ZC3H12B: variants seen among roughly 807,000 people sequenced by gnomAD.
The protein encoded by ZC3H12B is zinc finger CCCH-type containing 12B.
ZC3H12B carries 7 observed loss-of-function variants against 43.9 expected under a neutral mutation model. The ratio of observed to expected loss-of-function variants is 0.16; its 90% CI spans 0.09 to 0.30. The LOEUF (loss-of-function observed/expected upper bound fraction) is 0.30. ZC3H12B is among the 10% of genes least tolerant of loss of function. The probability of loss-of-function intolerance (pLI) is 1.00; values close to 1 mark genes in which losing one functional copy is unlikely to be tolerated. For synonymous variants in ZC3H12B, 222 were observed against 241.7 expected (o/e 0.92, Z 0.76); for missense variants, 475 against 670.2 (o/e 0.71, Z 3.22).
the ZC3H12B span, among the ~76,000 whole-genome samples, chrX:65,254,058 C>A: frequency 4.5e-5 from 5 of 112,008 alleles, no homozygotes; most frequent in Non-Finnish European, 9.4e-5. Flanking sequence ...GACCAGCGGC[C>A]CCAGCTCCAC....
chrX:65,318,964 C>T, the ZC3H12B span, among the ~76,000 whole-genome samples: 2 of 110,974 alleles, frequency 1.8e-5, no homozygotes, highest in Admixed American at 9.6e-5. Flanking sequence ...ATGCTGGCAT[C>T]GAAAAGTTAA....
At chrX:65,223,956 G>A in the ZC3H12B span, among the ~76,000 whole-genome samples, 10 of 112,080 alleles carry the variant, frequency 8.9e-5, no homozygotes, top group East Asian at 1.1e-3. Flanking sequence ...CCTGGGTATC[G>A]ACCGAGAGGA....
chrX:65,416,264 C>G (rs1396532773), intron 3 of ZC3H12B, among the ~76,000 whole-genome samples: 1 of 111,476 alleles, frequency 9.0e-6, no homozygotes, highest in Non-Finnish European at 1.9e-5. Context: ...TCTTATGTCT[C>G]TTTTATATAG....
chrX:65,441,889 G>A (rs2067305914), intron 3 of ZC3H12B, among the ~76,000 whole-genome samples: 2 of 110,363 alleles, frequency 1.8e-5, no homozygotes, highest in Admixed American at 9.7e-5. Flanking sequence ...AACGGGGCCC[G>A]GGACGGGCCC....
At chrX:65,300,986 GA>G in the ZC3H12B span, among the ~76,000 whole-genome samples, 6,925 of 88,812 alleles carry the variant, frequency 0.078, 275 homozygotes, top group Non-Finnish European at 0.12. Context: ...AAATCAGCAA[GA>G]AAAAAAAAAA....
chrX:65,311,953 T>C, the ZC3H12B span, among the ~76,000 whole-genome samples: 640 of 110,795 alleles, frequency 5.8e-3, 3 homozygotes, highest in Admixed American at 8.8e-3. Flanking sequence ...ATGAGAACAC[T>C]TGGACACAGG....
chrX:65,054,531 G>A, the ZC3H12B span, among the ~76,000 whole-genome samples: 1 of 111,679 alleles, frequency 9.0e-6, no homozygotes, highest in African/African-American at 3.3e-5. Context: ...GATGCCTCCA[G>A]CTTTGTTCTT....
At chrX:65,197,995 A>T in the ZC3H12B span, among the ~76,000 whole-genome samples, 2 of 112,213 alleles carry the variant, frequency 1.8e-5, no homozygotes, top group South Asian at 7.4e-4. Flanking sequence ...CAACGTACAC[A>T]TCCGTTTTTA....
the ZC3H12B span, among the ~76,000 whole-genome samples, chrX:65,121,836 T>C: frequency 1.8e-5 from 2 of 111,715 alleles, no homozygotes; most frequent in African/African-American, 3.3e-5. Flanking sequence ...GATTCTAGTA[T>C]GTTGTGTCTT....
the ZC3H12B span, among the ~76,000 whole-genome samples, chrX:65,255,421 A>T: frequency 8.9e-6 from 1 of 112,021 alleles, no homozygotes; most frequent in East Asian, 2.8e-4. Flanking sequence ...AAAGAAAAGA[A>T]TTCATATCCT....
chrX:65,345,515 G>A, the ZC3H12B span, among the ~76,000 whole-genome samples: 6 of 111,178 alleles, frequency 5.4e-5, no homozygotes, highest in Non-Finnish European at 7.5e-5. Flanking sequence ...GCAAATAGAC[G>A]GAAACAACAG....
chrX:65,241,097 T>A, the ZC3H12B span, among the ~76,000 whole-genome samples: 1 of 111,851 alleles, frequency 8.9e-6, no homozygotes, highest in African/African-American at 3.3e-5. Context: ...CTGCATTGGG[T>A]GTAACTCTTC....
At chrX:65,108,470 G>A in the ZC3H12B span, among the ~76,000 whole-genome samples, 1 of 108,199 alleles carries the variant, frequency 9.2e-6, no homozygotes, top group African/African-American at 3.4e-5. Flanking sequence ...ATTAGCGTAG[G>A]CCAACGCAGG....
intron 3 of ZC3H12B, among the ~76,000 whole-genome samples, chrX:65,447,322 T>C (rs1423810278): frequency 8.9e-6 from 1 of 112,024 alleles, no homozygotes; most frequent in Non-Finnish European, 1.9e-5. Context: ...TTTGTGATTT[T>C]TTTAATTTAA....
chrX:65,105,057 T>C, the ZC3H12B span, among the ~76,000 whole-genome samples: 1 of 111,757 alleles, frequency 8.9e-6, no homozygotes, highest in South Asian at 3.8e-4. Flanking sequence ...ATATACACCA[T>C]GGAATACTAT....
At chrX:65,334,294 G>T in the ZC3H12B span, among the ~76,000 whole-genome samples, 2 of 111,897 alleles carry the variant, frequency 1.8e-5, no homozygotes, top group Non-Finnish European at 1.9e-5. Context: ...ATGTTCACAT[G>T]CAGAGTTTCT....
the ZC3H12B span, among the ~76,000 whole-genome samples, chrX:65,042,483 T>A: frequency 8.9e-6 from 1 of 112,847 alleles, no homozygotes; most frequent in Non-Finnish European, 1.9e-5. Flanking sequence ...TACATTTGAA[T>A]ACAAATGTTT....
At chrX:65,474,463 A>T (rs2067966537) in intron 3 of ZC3H12B, among the ~76,000 whole-genome samples, 1 of 111,687 alleles carries the variant, frequency 9.0e-6, no homozygotes, top group South Asian at 3.7e-4. Context: ...AAATCTATTC[A>T]GCCATACTCT....
the ZC3H12B span, among the ~76,000 whole-genome samples, chrX:65,130,163 G>A: frequency 9.0e-6 from 1 of 111,197 alleles, no homozygotes; most frequent in Non-Finnish European, 1.9e-5. Context: ...GCTTGGTGAG[G>A]TCTGGTTTTA....
Sources: gnomAD v4.1 joint callset for allele counts (sites outside exome capture counted in the v4.1 genomes callset) on GRCh38, gnomAD v4.1.1 for gene constraint, MANE v1.5 for transcripts, NCBI Gene and HGNC (gene_info 2026-07-23, HGNC 2026-07-21) for gene names.